The following CSMD1 variants were observed in gnomAD, a reference collection of about 807,000 sequenced individuals.
CSMD1 encodes CUB and Sushi multiple domains 1, also known as CUB and sushi domain-containing protein 1.
Under a neutral mutation model 417.5 loss-of-function variants are expected in CSMD1, and 213 were observed. That is an observed-to-expected ratio of 0.51 (90% confidence interval 0.46 to 0.57). CSMD1 has a LOEUF of 0.57. Among genes scored for constraint, CSMD1 ranks in the 20% least tolerant of loss-of-function variants. The probability of loss-of-function intolerance (pLI) is 0.00; values close to 1 mark genes in which losing one functional copy is unlikely to be tolerated. For missense variants in CSMD1, 6,923 were observed against 4,529.7 expected (o/e 1.53, Z -15.17); for synonymous variants, 2,862 against 1,736.8 (o/e 1.65, Z -16.11).
rs74614273 is a variant in CSMD1, at chr8:4,159,310, T to C, written c.416-127211A>G. 7.1e-3 allele frequency among the ~76,000 whole-genome samples: 1,074 copies of C among 152,338 alleles called. 26 individuals are homozygous for C. The highest frequency in any genetic ancestry group is 0.053 in the East Asian group (275 of 5,186). ...TTTATACCTCAAGTATTTTAAAAGCTAAATTAATGTCCATTATTAGTACTC... is the reference window on the plus strand; with the variant it reads ...TTTATACCTCAAGTATTTTAAAAGCCAAATTAATGTCCATTATTAGTACTC... On this transcript the variant is annotated intron_variant, in intron 3 of 69. Transcript: ENST00000635120.
chr8:3,928,781 C>T (rs2688281), intron 5 of CSMD1, among the ~76,000 whole-genome samples: 9,312 of 139,704 alleles, frequency 0.067, 1,080 homozygotes, highest in African/African-American at 0.23. Flanking sequence ...CCACCCACCC[C>T]GCCCACCCCC....
At chr8:3,732,947 C>A (rs1162147195) in intron 6 of CSMD1, among the ~76,000 whole-genome samples, 1 of 152,136 alleles carries the variant, frequency 6.6e-6, no homozygotes, top group Admixed American at 6.6e-5. Context: ...CATTATCTAT[C>A]TATCTACTTA....
chr8:3,498,621 G>C (rs916577394), intron 10 of CSMD1, among the ~76,000 whole-genome samples: 8 of 152,186 alleles, frequency 5.3e-5, no homozygotes, highest in Admixed American at 2.6e-4. Flanking sequence ...TCTCCTTCTA[G>C]AACTCCCATA....
intron 3 of CSMD1, among the ~76,000 whole-genome samples, chr8:4,242,081 C>A (rs1165432596): frequency 6.6e-6 from 1 of 152,116 alleles, no homozygotes; most frequent in Non-Finnish European, 1.5e-5. Flanking sequence ...TATCACCAGG[C>A]AGAATTTTTG....
chr8:3,038,148 C>A (rs1053611420), intron 50 of CSMD1, among the ~76,000 whole-genome samples: 1 of 152,158 alleles, frequency 6.6e-6, no homozygotes, highest in Non-Finnish European at 1.5e-5. Context: ...CCAACGCTAT[C>A]GGTAGCCTAA....
chr8:3,361,137 T>C (rs570618977), intron 20 of CSMD1, among the ~76,000 whole-genome samples: 2 of 152,304 alleles, frequency 1.3e-5, no homozygotes, highest in African/African-American at 2.4e-5. Flanking sequence ...GAAAATAATA[T>C]AGACAATGTC....
chr8:4,789,430 G>A (rs1003618242), intron 1 of CSMD1, among the ~76,000 whole-genome samples: 10 of 152,082 alleles, frequency 6.6e-5, no homozygotes, highest in Non-Finnish European at 1.3e-4. Flanking sequence ...TGATAGTACT[G>A]TGTATCCCCA....
intron 5 of CSMD1, among the ~76,000 whole-genome samples, chr8:3,800,494 C>G (rs1800395877): frequency 1.3e-5 from 2 of 152,086 alleles, no homozygotes; most frequent in African/African-American, 4.8e-5. Flanking sequence ...GCATTTGGAT[C>G]CCTACCTCAC....
At chr8:3,525,749 G>C (rs760925044) in intron 10 of CSMD1, among the ~76,000 whole-genome samples, 2 of 152,160 alleles carry the variant, frequency 1.3e-5, no homozygotes, top group Non-Finnish European at 2.9e-5. Flanking sequence ...ACTTTCAAAG[G>C]AAATGAATGG....
chr8:3,506,774 G>A (rs1175982225), intron 10 of CSMD1, among the ~76,000 whole-genome samples: 2 of 152,114 alleles, frequency 1.3e-5, no homozygotes, highest in Non-Finnish European at 2.9e-5. Context: ...CTCATGGTTG[G>A]CAGTGATTTA....
At chr8:4,171,523 T>C (rs1347824856) in intron 3 of CSMD1, among the ~76,000 whole-genome samples, 1 of 151,898 alleles carries the variant, frequency 6.6e-6, no homozygotes, top group Non-Finnish European at 1.5e-5. Flanking sequence ...ACAGTTTCTT[T>C]AGTTGACACT....
intron 41 of CSMD1, among the ~76,000 whole-genome samples, chr8:3,140,882 G>T (rs575580905): frequency 6.6e-6 from 1 of 152,288 alleles, no homozygotes; most frequent in Non-Finnish European, 1.5e-5. Flanking sequence ...TTTTCTTAGA[G>T]ATTGCATATT....
intron 3 of CSMD1, among the ~76,000 whole-genome samples, chr8:4,062,538 T>A (rs1009837243): frequency 6.6e-6 from 1 of 152,196 alleles, no homozygotes; most frequent in Non-Finnish European, 1.5e-5. Context: ...ACCTGTGGCA[T>A]TGACATGAAC....
chr8:3,668,647 A>T (rs1798828521), intron 7 of CSMD1, among the ~76,000 whole-genome samples: 1 of 152,100 alleles, frequency 6.6e-6, no homozygotes, highest in Admixed American at 6.6e-5. Context: ...CAGAGTGTGC[A>T]ATATAGAAGC....
At chr8:3,440,475 T>C (rs1440784923) in intron 12 of CSMD1, among the ~76,000 whole-genome samples, 19 of 152,188 alleles carry the variant, frequency 1.2e-4, no homozygotes, top group Admixed American at 1.2e-3. Flanking sequence ...ATACAGTAGA[T>C]TTTGTTGTTG....
chr8:4,323,445 G>C (rs1799380706), intron 3 of CSMD1, among the ~76,000 whole-genome samples: 2 of 151,870 alleles, frequency 1.3e-5, no homozygotes, highest in Non-Finnish European at 2.9e-5. Context: ...TTGATTCAAA[G>C]TAACCATTCA....
chr8:4,118,796 T>C (rs527708902), intron 3 of CSMD1, among the ~76,000 whole-genome samples: 1 of 152,342 alleles, frequency 6.6e-6, no homozygotes, highest in East Asian at 1.9e-4. Context: ...TGCACATGTA[T>C]GTTTATTACA....
chr8:4,507,927 G>A (rs767800602), intron 2 of CSMD1, among the ~76,000 whole-genome samples: 1 of 152,214 alleles, frequency 6.6e-6, no homozygotes, highest in Non-Finnish European at 1.5e-5. Flanking sequence ...TGAATAGGCA[G>A]TGAAAATAGT....
chr8:3,316,209 C>T (rs377155712), intron 23 of CSMD1, among the ~76,000 whole-genome samples: 1 of 152,250 alleles, frequency 6.6e-6, no homozygotes, highest in African/African-American at 2.4e-5. Flanking sequence ...TAAGAACTTA[C>T]AATTAGGTGC....
Sources: gnomAD v4.1 joint callset for allele counts (sites outside exome capture counted in the v4.1 genomes callset) on GRCh38, gnomAD v4.1.1 for gene constraint, MANE v1.5 for transcripts, NCBI Gene and HGNC (gene_info 2026-07-23, HGNC 2026-07-21) for gene names.